Variants in VPS53 observed in about 807,000 individuals in gnomAD.
VPS53 encodes vacuolar protein sorting-associated protein 53 homolog.
Under a neutral mutation model 107.0 loss-of-function variants are expected in VPS53, and 70 were observed. The observed-to-expected ratio is 0.65, with a 90% CI of 0.54 to 0.80. The LOEUF is 0.80. Among genes scored for constraint, VPS53 ranks in the 30% least tolerant of loss-of-function variants. VPS53 has a pLI of 0.00. For synonymous variants in VPS53, 409 were observed against 393.3 expected (o/e 1.04, Z -0.47); for missense variants, 917 against 1,049.4 (o/e 0.87, Z 1.74).
At chr17:536,672 C>T (rs540099617) in intron 18 of VPS53, 2 of 216,186 alleles carry the variant, frequency 9.3e-6, no homozygotes, top group African/African-American at 4.6e-5. Context: ...TGGGGACACT[C>T]AAATTGTGAG....
At position 514,987 on chromosome 17, in the gene VPS53, A is replaced by G. The variant is rs1197741127; in HGVS notation, c.*4141T>C. On this transcript the variant is annotated 3_prime_UTR_variant, in exon 22 of 22. Coordinates refer to ENST00000437048, the MANE Select transcript of VPS53 (RefSeq NM_001128159.3). Reference sequence around the variant, plus strand: ...CTGTTTCATTGTTAAGAGTCCACACAGGATGTTCTCTGGCCTGGACACCGC... The same window carrying G: ...CTGTTTCATTGTTAAGAGTCCACACGGGATGTTCTCTGGCCTGGACACCGC... 1.3e-5 allele frequency: 2 copies of G among 152,254 alleles called. No individual in the cohort carries two copies. Among genetic ancestry groups the G allele is most frequent in the African/African-American group, 2.4e-5 (1 of 41,454 alleles). 9.4% of individuals were successfully genotyped at this position (152,254 alleles called of 1,614,324 possible).
intron 2 of VPS53, 87 bp from the exon 3 acceptor site, chr17:699,467 C>T (rs1973114771): frequency 9.6e-7 from 1 of 1,040,434 alleles, no homozygotes; most frequent in Non-Finnish European, 1.3e-6. Flanking sequence ...ATAATAGCTA[C>T]TTATGAAATC....
intron 7 of VPS53, among the ~76,000 whole-genome samples, chr17:639,942 T>C (rs1271634682): frequency 2.0e-5 from 3 of 152,236 alleles, no homozygotes; most frequent in African/African-American, 4.8e-5. Flanking sequence ...GACAGGGACA[T>C]TTAAGTCTGC....
chr17:520,704 C>T lies in VPS53; in HGVS notation c.2224-774G>A, dbSNP rs1908671210. On this transcript the variant is annotated intron_variant, in intron 20 of 21. Transcript: ENST00000437048. The surrounding 1 kb of genome is among the most constrained non-coding windows in gnomAD (Gnocchi z 4.4). ...ACTCAGGCATCCTCTGCCGATAATT[C>T]CCAGACCACAGGCTCTCCTCCCCAG... Among the ~76,000 whole-genome samples, 1 of 152,132 alleles carries T rather than the reference C, an allele frequency of 6.6e-6. No homozygotes were observed. Among genetic ancestry groups the T allele is most frequent in the Non-Finnish European group, 1.5e-5 (1 of 68,026 alleles).
intron 8 of VPS53, among the ~76,000 whole-genome samples, chr17:629,487 G>A (rs1483746724): frequency 6.6e-6 from 1 of 152,170 alleles, no homozygotes; most frequent in African/African-American, 2.4e-5. Context: ...GCTGGGAGCG[G>A]TGGCTCACGC....
At chr17:587,774 T>C (rs1195337271) in intron 12 of VPS53, among the ~76,000 whole-genome samples, 2 of 152,224 alleles carry the variant, frequency 1.3e-5, no homozygotes, top group African/African-American at 4.8e-5. Context: ...TACTAAATCA[T>C]AATTTGCATG....
At position 633,786 on chromosome 17, in the gene VPS53, C is replaced by G. The variant is rs1008714501; in HGVS notation, c.609-2158G>C. On this transcript the variant is annotated intron_variant, in intron 7 of 21. Coordinates refer to ENST00000437048, the MANE Select transcript of VPS53 (RefSeq NM_001128159.3). ...GAGCTGTCCAGCAGACAATGGGAGA[C>G]ATTCCTTCAGCGTGAACTTTGACAT... Among the ~76,000 whole-genome samples the G allele has an allele frequency of 2.0e-5, 3 of 152,186 alleles. 1 individual carries two copies. The highest frequency in any genetic ancestry group is 1.5e-5 in the Non-Finnish European group (1 of 68,044).
intron 13 of VPS53, among the ~76,000 whole-genome samples, chr17:581,748 C>T (rs1378755218): frequency 1.3e-5 from 2 of 151,806 alleles, no homozygotes; most frequent in African/African-American, 2.4e-5. Context: ...AATGCGTTCC[C>T]AGAGATCCTC....
At chr17:643,843 A>G (rs886076819) in intron 7 of VPS53, among the ~76,000 whole-genome samples, 1 of 152,224 alleles carries the variant, frequency 6.6e-6, no homozygotes, top group African/African-American at 2.4e-5. Flanking sequence ...CGAGGACAAC[A>G]CTCATACGTG....
At chr17:693,981 C>G (rs1444733350) in intron 4 of VPS53, among the ~76,000 whole-genome samples, 1 of 152,016 alleles carries the variant, frequency 6.6e-6, no homozygotes, top group Non-Finnish European at 1.5e-5. Flanking sequence ...CTGTTGCAGT[C>G]AAATAGACTC....
intron 13 of VPS53, among the ~76,000 whole-genome samples, chr17:569,391 G>A (rs781122953): frequency 6.6e-6 from 1 of 152,214 alleles, no homozygotes; most frequent in African/African-American, 2.4e-5. Context: ...AACATCAGGG[G>A]AAGTTGGGTG....
chr17:550,355 A>G (rs1911710084), intron 17 of VPS53, among the ~76,000 whole-genome samples: 1 of 152,216 alleles, frequency 6.6e-6, no homozygotes, highest in Admixed American at 6.5e-5. Context: ...ATGACTCTAG[A>G]GCAGACATTG....
At chr17:613,908 G>A (rs1030150249) in intron 11 of VPS53, among the ~76,000 whole-genome samples, 4 of 152,230 alleles carry the variant, frequency 2.6e-5, no homozygotes, top group African/African-American at 9.6e-5. Flanking sequence ...ACAACAATAT[G>A]TGCATCACCC....
rs1968764694 is a variant in VPS53 at position 609,830 on chromosome 17, T to C, written c.1117-7934A>G. 2.0e-5 allele frequency among the ~76,000 whole-genome samples: 3 copies of C among 152,050 alleles called. No homozygotes were observed. The South Asian group carries it at 6.2e-4, about 32-fold the overall frequency. Reference sequence around the variant, plus strand: ...GAGGAAAAAAACAATCTCAAATGCATATAAAATTAGTAGACAAGGCCGGGT... The same window carrying C: ...GAGGAAAAAAACAATCTCAAATGCACATAAAATTAGTAGACAAGGCCGGGT... On this transcript the variant is annotated intron_variant, in intron 11 of 21. Transcript: ENST00000437048.
At chr17:643,975 A>G (rs180738856) in intron 7 of VPS53, among the ~76,000 whole-genome samples, 2 of 152,166 alleles carry the variant, frequency 1.3e-5, no homozygotes, top group Admixed American at 1.3e-4. Flanking sequence ...TCACATTTAT[A>G]AGAGGTTAGA....
chr17:551,588 C>T (rs1158971305), intron 17 of VPS53: 5 of 182,072 alleles, frequency 2.7e-5, no homozygotes, highest in Non-Finnish European at 4.6e-5. Context: ...AAATAAACCA[C>T]AGACAACATC....
At chr17:566,269 G>A (rs529750065) in intron 13 of VPS53, among the ~76,000 whole-genome samples, 1 of 151,822 alleles carries the variant, frequency 6.6e-6, no homozygotes, top group East Asian at 1.9e-4. Context: ...GGTAGGCAAT[G>A]CTAATCAACA....
intron 1 of VPS53, 148 bp downstream of exon 1, chr17:714,475 T>G (rs1271981342): frequency 1.4e-6 from 1 of 694,406 alleles, no homozygotes; most frequent in Non-Finnish European, 2.4e-6. Context: ...AGAAACCGCT[T>G]CTCACCCGCA....
In VPS53 at chr17:699,344, TAA is replaced by T; in HGVS notation, c.203_204del (p.Ile68LysfsTer9). 1 of 1,578,922 alleles carries T rather than the reference TAA, an allele frequency of 6.3e-7. No homozygotes were observed. Among genetic ancestry groups the T allele is most frequent in the East Asian group, 2.4e-5 (1 of 42,066 alleles). ...LANIDEVVNK[I>X]RLKIRRLDDN... ...AGCTTTACTCACCTTATTTTCAGCC[TAA>T]TTTTGTTCACGACTTCGTCTATGTT... On this transcript the variant is annotated frameshift_variant, in exon 3 of 22. Transcript: ENST00000437048. LOFTEE classifies it high-confidence loss of function.
Sources: gnomAD v4.1 joint callset for allele counts (sites outside exome capture counted in the v4.1 genomes callset) on GRCh38, gnomAD v4.1.1 for gene constraint, Gnocchi (gnomAD v3.1) non-coding constraint, MANE v1.5 for transcripts, NCBI Gene and HGNC (gene_info 2026-07-23, HGNC 2026-07-21) for gene names.